Variants in DNER observed in about 807,000 individuals in gnomAD.
The protein encoded by DNER is delta and Notch-like epidermal growth factor-related receptor.
Under a neutral mutation model 78.2 loss-of-function variants are expected in DNER, and 33 were observed. That is an observed-to-expected ratio of 0.42 (90% CI 0.32 to 0.56). The LOEUF is 0.56. Among genes scored for constraint, DNER ranks in the 20% least tolerant of loss-of-function variants. The probability of loss-of-function intolerance (pLI) is 0.11; values close to 1 mark genes in which losing one functional copy is unlikely to be tolerated. For missense variants in DNER, 918 were observed against 975.3 expected, an observed-to-expected ratio of 0.94 and a Z score of 0.78; for synonymous variants, 417 against 384.8, an observed-to-expected ratio of 1.08 and a Z score of -0.98.
chr2:229,470,414 G>T (rs1694899284), intron 7 of DNER, among the ~76,000 whole-genome samples: 1 of 151,954 alleles, frequency 6.6e-6, no homozygotes, highest in South Asian at 2.1e-4. Flanking sequence ...TTTCCCCAGT[G>T]CTAATGAAAA....
intron 5 of DNER, among the ~76,000 whole-genome samples, chr2:229,545,404 G>A (rs577336584): frequency 2.6e-5 from 4 of 152,168 alleles, no homozygotes; most frequent in East Asian, 1.9e-4. Context: ...GTGAAACCCC[G>A]TCTCTACTAA....
intron 1 of DNER, among the ~76,000 whole-genome samples, chr2:229,695,906 C>T (rs934140018): frequency 6.6e-6 from 1 of 152,164 alleles, no homozygotes; most frequent in Non-Finnish European, 1.5e-5. Flanking sequence ...GTTGCCAGAA[C>T]TGCTCCCTGA....
intron 11 of DNER, among the ~76,000 whole-genome samples, chr2:229,387,509 G>GAGAGAGAGAAAGAAAGAA (rs1286340836): frequency 6.6e-5 from 5 of 76,178 alleles, no homozygotes; most frequent in Non-Finnish European, 1.4e-4. Context: ...GAAAGAAAGA[G>GAGAGAGAGAAAGAAAGAA]AGAAAGAAAG....
intron 1 of DNER, among the ~76,000 whole-genome samples, chr2:229,677,402 C>T (rs913761664): frequency 6.6e-6 from 1 of 152,180 alleles, no homozygotes; most frequent in Admixed American, 6.5e-5. Flanking sequence ...GCTCTCCCAT[C>T]ATCATAGATT....
rs1353401832 is a variant in DNER at position 229,444,395 on chromosome 2, T to G, written c.1486+2921A>C. 4.6e-5 allele frequency among the ~76,000 whole-genome samples: 7 copies of G among 152,172 alleles called. No individual in the cohort carries two copies. In the South Asian group the frequency reaches 1.5e-3, roughly 32 times the overall value. ...GATGCCTGTAAATTTCCTATGGTTTTAGTCAATAAGCGAGGATGTTAGAGA... is the reference window on the plus strand; with the variant it reads ...GATGCCTGTAAATTTCCTATGGTTTGAGTCAATAAGCGAGGATGTTAGAGA... On this transcript the variant is annotated intron_variant, in intron 8 of 12. Coordinates refer to ENST00000341772, the MANE Select transcript of DNER (RefSeq NM_139072.4).
At chr2:229,433,204 C>T (rs187565442) in intron 8 of DNER, among the ~76,000 whole-genome samples, 4 of 152,330 alleles carry the variant, frequency 2.6e-5, no homozygotes, top group Admixed American at 6.5e-5. Flanking sequence ...TCCCAAAGTG[C>T]TGGGATTACA....
intron 1 of DNER, among the ~76,000 whole-genome samples, chr2:229,648,214 C>A (rs1228970196): frequency 6.6e-6 from 1 of 152,126 alleles, no homozygotes; most frequent in African/African-American, 2.4e-5. Context: ...CTGTTGCTTT[C>A]CCATTAACCT....
At chr2:229,417,457 C>T (rs1267429611) in intron 9 of DNER, among the ~76,000 whole-genome samples, 1 of 152,168 alleles carries the variant, frequency 6.6e-6, no homozygotes, top group African/African-American at 2.4e-5. Flanking sequence ...GATATCTGGG[C>T]TCCAGGAAGC....
rs202185057 is a variant in DNER at position 229,434,544 on chromosome 2, GA to G, written c.1486+12771del. Among the ~76,000 whole-genome samples the G allele has an allele frequency of 8.4e-3, 1,276 of 152,230 alleles. 25 individuals carry two copies. The highest frequency in any genetic ancestry group is 0.029 in the African/African-American group (1,223 of 41,522). On this transcript the variant is annotated intron_variant, in intron 8 of 12. Coordinates refer to ENST00000341772, the MANE Select transcript of DNER (RefSeq NM_139072.4). The stretch of plus-strand genomic sequence containing the variant: ...CAACTCAATTATATGAGTAAATTCT[GA>G]ATTCTCTTCCAACTTTCTTTATTAA...
intron 8 of DNER, among the ~76,000 whole-genome samples, chr2:229,418,693 G>T (rs1250532500): frequency 1.3e-5 from 2 of 152,076 alleles, no homozygotes; most frequent in South Asian, 2.1e-4. Context: ...ACCGAGGCAG[G>T]TTGATCACTT....
intron 1 of DNER, among the ~76,000 whole-genome samples, chr2:229,638,338 A>G (rs1211794849): frequency 6.6e-6 from 1 of 152,270 alleles, no homozygotes; most frequent in Non-Finnish European, 1.5e-5. Flanking sequence ...GATTACCTAT[A>G]GTAATCAAAG....
intron 6 of DNER, among the ~76,000 whole-genome samples, chr2:229,498,849 C>T (rs1204592248): frequency 6.6e-6 from 1 of 152,122 alleles, no homozygotes; most frequent in Non-Finnish European, 1.5e-5. Flanking sequence ...AAGCAATCTA[C>T]AGATTCAATG....
intron 11 of DNER, among the ~76,000 whole-genome samples, chr2:229,372,143 T>C (rs1027145869): frequency 1.3e-5 from 2 of 152,226 alleles, no homozygotes; most frequent in Non-Finnish European, 2.9e-5. Flanking sequence ...CCAGGCACAG[T>C]GCTGAGTGAC....
chr2:229,572,228 C>T (rs1357992119), intron 4 of DNER, among the ~76,000 whole-genome samples: 2 of 152,176 alleles, frequency 1.3e-5, no homozygotes, highest in Non-Finnish European at 2.9e-5. Flanking sequence ...TCAAGATACA[C>T]CTCGAGTTCT....
chr2:229,681,563 C>T (rs1559207318), intron 1 of DNER, among the ~76,000 whole-genome samples: 2 of 152,208 alleles, frequency 1.3e-5, no homozygotes, highest in Middle Eastern at 3.4e-3. Flanking sequence ...GTCACCCACA[C>T]CACCAAAAAA....
rs745647494 is a variant in DNER at position 229,521,581 on chromosome 2, G to A, written c.994-8645C>T. On this transcript the variant is annotated intron_variant, in intron 5 of 12. Coordinates refer to ENST00000341772, the MANE Select transcript of DNER (RefSeq NM_139072.4). The stretch of plus-strand genomic sequence containing the variant: ...ATTTGATTAAGCATAGGCGAGCTAT[G>A]ACTAAAGGGTCAGACAACCAGTTCA... Among the ~76,000 whole-genome samples, 12 of 152,168 alleles carry A rather than the reference G, an allele frequency of 7.9e-5. 1 individual carries two copies. The highest frequency in any genetic ancestry group is 7.9e-4 in the Admixed American group (12 of 15,276).
intron 1 of DNER, among the ~76,000 whole-genome samples, chr2:229,633,658 A>G (rs1444380745): frequency 1.3e-5 from 2 of 152,364 alleles, no homozygotes; most frequent in East Asian, 3.9e-4. Context: ...CAGAAAGCAT[A>G]GCTCCTTGCA....
At chr2:229,451,249 G>A (rs957767105) in intron 7 of DNER, among the ~76,000 whole-genome samples, 3 of 152,196 alleles carry the variant, frequency 2.0e-5, no homozygotes, top group Non-Finnish European at 2.9e-5. Context: ...ACGAGGTCAG[G>A]AGTCCAAGAC....
At chr2:229,596,930 C>T (rs528070445) in intron 1 of DNER, among the ~76,000 whole-genome samples, 61 of 152,302 alleles carry the variant, frequency 4.0e-4, no homozygotes, top group Middle Eastern at 3.4e-3. Context: ...CACATGCACA[C>T]GCACATGCAC....
Sources: gnomAD v4.1 joint callset for allele counts (sites outside exome capture counted in the v4.1 genomes callset) on GRCh38, gnomAD v4.1.1 for gene constraint, MANE v1.5 for transcripts, NCBI Gene and HGNC (gene_info 2026-07-23, HGNC 2026-07-21) for gene names.